SLC17A1: variants seen among roughly 807,000 people sequenced by gnomAD.
SLC17A1 encodes the protein sodium-dependent phosphate transport protein 1.
In SLC17A1, 51 loss-of-function variants were observed where a neutral mutation model predicts 53.5. The observed-to-expected ratio is 0.95, with a 90% CI of 0.76 to 1.20. The LOEUF is 1.20. SLC17A1 is among the 50% of genes most tolerant of loss of function. SLC17A1 has a pLI of 0.00. For synonymous variants in SLC17A1, 179 were observed against 198.8 expected (o/e 0.90, Z 0.84); for missense variants, 538 against 568.2 (o/e 0.95, Z 0.54).
chr6:25,739,314 C>T, the SLC17A1 span, among the ~76,000 whole-genome samples: 3 of 152,082 alleles, frequency 2.0e-5, no homozygotes, highest in African/African-American at 7.2e-5. Flanking sequence ...GAACTAATCT[C>T]ATTCATGAGG....
chr6:25,779,351 C>G (rs1172463966), downstream of SLC17A1: 1 of 891,864 alleles, frequency 1.1e-6, no homozygotes, highest in Non-Finnish European at 1.7e-6. Context: ...GGGAAGAAAA[C>G]ACGCTAGTTA....
chr6:25,796,567 C>G (rs1210285993), intron 12 of SLC17A1, among the ~76,000 whole-genome samples: 1 of 152,102 alleles, frequency 6.6e-6, no homozygotes, highest in Non-Finnish European at 1.5e-5. Flanking sequence ...GATTGTGCTA[C>G]TGTACTCCAG....
intron 12 of SLC17A1, 119 bp downstream of exon 12, chr6:25,798,664 G>C: frequency 1.2e-6 from 1 of 838,798 alleles, no homozygotes; most frequent in Non-Finnish European, 1.7e-6. Context: ...GGCTTAACAT[G>C]GTCTCCTCTT....
intron 10 of SLC17A1, 60 bp from the exon 11 acceptor site, chr6:25,801,040 AC>A: frequency 1.1e-6 from 1 of 899,690 alleles, no homozygotes; most frequent in African/African-American, 1.7e-5. Flanking sequence ...GGAAATGCAA[AC>A]CTAATCAAAT....
intron 10 of SLC17A1, among the ~76,000 whole-genome samples, chr6:25,805,035 T>A (rs1313354884): frequency 6.6e-6 from 1 of 151,920 alleles, no homozygotes; most frequent in African/African-American, 2.4e-5. Flanking sequence ...AACAAATGGA[T>A]CTAACATATT....
chr6:25,791,176 A>C (rs936849571), intron 12 of SLC17A1, among the ~76,000 whole-genome samples: 1 of 152,172 alleles, frequency 6.6e-6, no homozygotes, highest in Non-Finnish European at 1.5e-5. Context: ...GACATTGAGT[A>C]CTGTTATAAC....
chr6:25,769,184 A>G, the SLC17A1 span: 1 of 1,613,696 alleles, frequency 6.2e-7, no homozygotes, highest in East Asian at 2.2e-5. Flanking sequence ...AAGAATTTAA[A>G]GCAATGGTAA....
intron 11 of SLC17A1, 50 bp from the exon 12 acceptor site, chr6:25,798,969 T>G (rs767940962): frequency 2.0e-6 from 3 of 1,493,138 alleles, no homozygotes; most frequent in Non-Finnish European, 2.7e-6. Flanking sequence ...CTTGTTTTTT[T>G]GTTTTGTAAT....
chr6:25,781,205 G>A (rs1763260840), downstream of SLC17A1: 1 of 103,646 alleles, frequency 9.6e-6, no homozygotes, highest in African/African-American at 3.8e-5. Flanking sequence ...AGAAAGAAAA[G>A]AAAGAGAGAG....
chr6:25,786,128 A>C (rs1162567077), intron 12 of SLC17A1, among the ~76,000 whole-genome samples: 1 of 152,256 alleles, frequency 6.6e-6, no homozygotes, highest in East Asian at 1.9e-4. Context: ...ATACAGTCGA[A>C]TACTACTGGG....
At chr6:25,747,772 G>C in the SLC17A1 span, among the ~76,000 whole-genome samples, 2 of 152,294 alleles carry the variant, frequency 1.3e-5, no homozygotes, top group East Asian at 3.9e-4. Flanking sequence ...AAATTGGGAA[G>C]TGGGCCCTCA....
chr6:25,822,861 CTG>C (rs1276869203), intron 3 of SLC17A1, among the ~76,000 whole-genome samples: 1 of 152,000 alleles, frequency 6.6e-6, no homozygotes, highest in Admixed American at 6.6e-5. Context: ...ACACAATAAA[CTG>C]TATCTATATA....
At chr6:25,726,201 C>T in the SLC17A1 span, 3 of 1,603,804 alleles carry the variant, frequency 1.9e-6, no homozygotes, top group African/African-American at 1.3e-5. Context: ...GAATGTTAGG[C>T]AGGACTCCGC....
the SLC17A1 span, among the ~76,000 whole-genome samples, chr6:25,764,335 A>C: frequency 6.6e-6 from 1 of 152,202 alleles, no homozygotes; most frequent in African/African-American, 2.4e-5. Flanking sequence ...TCCTTTCTCC[A>C]TATCAAATGC....
At chr6:25,783,399 C>G (rs903939271) in intron 12 of SLC17A1, among the ~76,000 whole-genome samples, 181 bp from the exon 13 acceptor site, 3 of 152,164 alleles carry the variant, frequency 2.0e-5, no homozygotes, top group East Asian at 1.9e-4. Flanking sequence ...TTACACTTCT[C>G]TCCTCTGGAC....
chr6:25,773,944 T>C, the SLC17A1 span, among the ~76,000 whole-genome samples: 1,489 of 152,284 alleles, frequency 9.8e-3, 30 homozygotes, highest in African/African-American at 0.031. Context: ...ATACTATTCA[T>C]ATTTATCATA....
chr6:25,803,669 A>G (rs1483068203), intron 10 of SLC17A1, among the ~76,000 whole-genome samples: 1 of 152,142 alleles, frequency 6.6e-6, no homozygotes, highest in Non-Finnish European at 1.5e-5. Flanking sequence ...CTCAAAATTA[A>G]GTATCTGAAC....
the SLC17A1 span, among the ~76,000 whole-genome samples, chr6:25,743,894 G>T: frequency 6.6e-6 from 1 of 152,204 alleles, no homozygotes; most frequent in Non-Finnish European, 1.5e-5. Context: ...GAGAATTACT[G>T]GGTTGAGCAT....
intron 5 of SLC17A1, 141 bp downstream of exon 5, chr6:25,819,370 A>T: frequency 1.3e-6 from 1 of 758,482 alleles, no homozygotes; most frequent in Non-Finnish European, 2.2e-6. Flanking sequence ...CAATTCTCTC[A>T]TCTTCATAGC....
Sources: allele counts gnomAD v4.1 joint callset (sites outside exome capture counted in the v4.1 genomes callset), GRCh38; gene constraint gnomAD v4.1.1; transcripts MANE v1.5; gene names NCBI Gene and HGNC (gene_info 2026-07-23, HGNC 2026-07-21).